The following PCAT7 variants were observed in gnomAD, a reference collection of about 807,000 sequenced individuals.
PCAT7 encodes prostate cancer associated transcript 7.
chr9:94,569,149 CAT>C (rs1469177199), intron 2 of PCAT7: 1 of 152,240 alleles, frequency 6.6e-6, no homozygotes, highest in African/African-American at 2.4e-5. Context: ...TAGGAAGACT[CAT>C]ATCTGGGCCT....
chr9:94,565,115 T>G (rs1250656365), intron 2 of PCAT7, among the ~76,000 whole-genome samples: 2 of 152,206 alleles, frequency 1.3e-5, no homozygotes, highest in Admixed American at 6.5e-5. Context: ...GGTTCACGCC[T>G]GTAATCCCAG....
At chr9:94,563,596 G>T in intron 2 of PCAT7, 1 of 948,340 alleles carries the variant, frequency 1.1e-6, no homozygotes, top group Non-Finnish European at 1.6e-6. Context: ...TGTAGGAATT[G>T]AAAAGATTAT....
At chr9:94,562,040 T>G (rs12683919) in intron 2 of PCAT7, among the ~76,000 whole-genome samples, 13,373 of 152,086 alleles carry the variant, frequency 0.088, 1,150 homozygotes, top group African/African-American at 0.21. Context: ...CGCCGGGCGC[T>G]GTGACTCATA....
rs1369426705 is a variant in PCAT7 at position 94,563,505 on chromosome 9, G to A, written n.441+4353G>A. 5.0e-6 allele frequency: 8 copies of A among 1,595,054 alleles called. No homozygotes were observed. In the East Asian group the frequency reaches 1.6e-4, roughly 31 times the overall value. ...AGAGACAAGATCCAGTGGCTTTCAG[G>A]ATTAGCCAGCACCTGCTCGTGGTCA... On this transcript the variant is annotated intron_variant and non_coding_transcript_variant, in intron 2 of 8. Coordinates refer to ENST00000647389, the Ensembl canonical transcript of PCAT7.
At chr9:94,566,850 A>G (rs1008917873) in intron 2 of PCAT7, among the ~76,000 whole-genome samples, 1 of 152,166 alleles carries the variant, frequency 6.6e-6, no homozygotes, top group African/African-American at 2.4e-5. Flanking sequence ...TTTATATTTT[A>G]TGTTTCTAAT....
intron 2 of PCAT7, chr9:94,559,218 T>C: frequency 1.6e-6 from 2 of 1,216,572 alleles, no homozygotes; most frequent in Non-Finnish European, 2.3e-6. Context: ...GAGGAGTTTG[T>C]ACTGCGGTGC....
At chr9:94,571,320 G>A in intron 2 of PCAT7, 1 of 810,034 alleles carries the variant, frequency 1.2e-6, no homozygotes, top group Non-Finnish European at 1.8e-6. Flanking sequence ...GATGGTTTTG[G>A]CTCCCCAAAC....
intron 2 of PCAT7, among the ~76,000 whole-genome samples, chr9:94,560,649 T>C (rs1020002320): frequency 2.0e-5 from 3 of 151,064 alleles, no homozygotes; most frequent in African/African-American, 4.8e-5. Context: ...TTAAACTACT[T>C]TGAGAAAGAG....
At chr9:94,564,109 G>A (rs1269375711) in intron 2 of PCAT7, among the ~76,000 whole-genome samples, 1 of 152,042 alleles carries the variant, frequency 6.6e-6, no homozygotes, top group East Asian at 1.9e-4. Flanking sequence ...TCAAGACCTC[G>A]AATCAACACT....
intron 2 of PCAT7, chr9:94,572,832 A>G (rs1827283277): frequency 6.6e-6 from 1 of 152,268 alleles, no homozygotes; most frequent in Admixed American, 6.5e-5. Context: ...GTGATTGTAA[A>G]TAGCACATAT....
At chr9:94,560,210 T>C (rs1409812431) in intron 2 of PCAT7, among the ~76,000 whole-genome samples, 1 of 152,202 alleles carries the variant, frequency 6.6e-6, no homozygotes, top group Non-Finnish European at 1.5e-5. Context: ...GAAATCAGCC[T>C]GTGCCCTGCT....
At chr9:94,557,442 G>A (rs979482776) in intron 1 of PCAT7, among the ~76,000 whole-genome samples, 2 of 152,130 alleles carry the variant, frequency 1.3e-5, no homozygotes, top group Admixed American at 1.3e-4. Flanking sequence ...GAAAATCTTT[G>A]TTCCTTTTTG....
intron 2 of PCAT7, among the ~76,000 whole-genome samples, chr9:94,562,092 A>T (rs1012126817): frequency 2.0e-5 from 3 of 152,084 alleles, no homozygotes; most frequent in African/African-American, 7.2e-5. Flanking sequence ...CGGGCGGATC[A>T]CGAGGTCAGG....
At chr9:94,557,255 A>G (rs1827025404) in intron 1 of PCAT7, among the ~76,000 whole-genome samples, 1 of 152,196 alleles carries the variant, frequency 6.6e-6, no homozygotes, top group Non-Finnish European at 1.5e-5. Context: ...TTTTCTATTT[A>G]AATGAAGAAT....
chr9:94,565,110 A>T (rs1412174215), intron 2 of PCAT7, among the ~76,000 whole-genome samples: 2 of 152,178 alleles, frequency 1.3e-5, no homozygotes, highest in Non-Finnish European at 2.9e-5. Context: ...ATGGTGGTTC[A>T]CGCCTGTAAT....
At chr9:94,560,156 T>C (rs1827075551) in intron 2 of PCAT7, among the ~76,000 whole-genome samples, 1 of 152,174 alleles carries the variant, frequency 6.6e-6, no homozygotes, top group Non-Finnish European at 1.5e-5. Context: ...GCAAGGCCAC[T>C]GTTTCCTGCA....
upstream of PCAT7, among the ~76,000 whole-genome samples, chr9:94,554,885 G>A (rs1363812241): frequency 1.3e-5 from 2 of 152,306 alleles, no homozygotes; most frequent in South Asian, 2.1e-4. Context: ...ATAAGTGCCA[G>A]AAATGACGCG....
chr9:94,574,474 T>C (rs929388737), intron 3 of PCAT7, among the ~76,000 whole-genome samples: 17 of 152,146 alleles, frequency 1.1e-4, no homozygotes, highest in African/African-American at 3.6e-4. Context: ...CTCTTTCATG[T>C]CTTGCTTATT....
intron 2 of PCAT7, among the ~76,000 whole-genome samples, chr9:94,566,517 AAC>A (rs1185377731): frequency 6.6e-6 from 1 of 152,230 alleles, no homozygotes; most frequent in Admixed American, 6.5e-5. Context: ...TATCTATAGA[AAC>A]AATGCTAATG....
Sources: allele counts gnomAD v4.1 joint callset (sites outside exome capture counted in the v4.1 genomes callset), GRCh38; gene constraint gnomAD v4.1.1; transcripts MANE v1.5; gene names NCBI Gene and HGNC (gene_info 2026-07-23, HGNC 2026-07-21).